The following LONP2 variants were observed in gnomAD, a reference collection of about 807,000 sequenced individuals.
The protein encoded by LONP2 is lon peptidase 2, peroxisomal, also known as lon protease homolog 2, peroxisomal.
Under a neutral mutation model 85.6 loss-of-function variants are expected in LONP2, and 60 were observed. That is an observed-to-expected ratio of 0.70 (90% CI 0.57 to 0.87). LONP2 has a LOEUF of 0.87. Ranked by LOEUF, LONP2 falls within the 40% of genes least tolerant of loss-of-function variation. The pLI, the probability that LONP2 is intolerant of heterozygous loss-of-function variation, is 0.00. For synonymous variants in LONP2, 395 were observed against 389.7 expected (o/e 1.01, Z -0.16); for missense variants, 860 against 1,063.5 (o/e 0.81, Z 2.66).
chr16:48,336,426 C>A (rs11641619), intron 12 of LONP2: 7,946 of 456,242 alleles, frequency 0.017, 120 homozygotes, highest in Non-Finnish European at 0.026. Flanking sequence ...TGGTGTGTCA[C>A]ATGCGTGCGT....
At chr16:48,306,097 C>G (rs1027374384) in intron 11 of LONP2, among the ~76,000 whole-genome samples, 2 of 152,112 alleles carry the variant, frequency 1.3e-5, no homozygotes, top group African/African-American at 4.8e-5. Flanking sequence ...ACAACACTTC[C>G]TTTGTGCTGT....
chr16:48,317,771 T>C (rs563032041), intron 11 of LONP2, among the ~76,000 whole-genome samples: 4 of 152,372 alleles, frequency 2.6e-5, no homozygotes, highest in Admixed American at 2.6e-4. Flanking sequence ...TAAGATTTGA[T>C]GTCAGTGATG....
At chr16:48,346,905 C>T (rs556708945) in intron 12 of LONP2, among the ~76,000 whole-genome samples, 1 of 151,890 alleles carries the variant, frequency 6.6e-6, no homozygotes, top group East Asian at 2.0e-4. Context: ...AATCCCAGCA[C>T]TTTGGGAGGC....
At chr16:48,359,122 G>C (rs1432220188), downstream of LONP2, among the ~76,000 whole-genome samples, 1 of 152,012 alleles carries the variant, frequency 6.6e-6, no homozygotes, top group Non-Finnish European at 1.5e-5. Context: ...CTAATAGGGT[G>C]TGCCATCATG....
intron 11 of LONP2, among the ~76,000 whole-genome samples, chr16:48,312,047 T>G (rs1377903336): frequency 6.6e-6 from 1 of 152,146 alleles, no homozygotes; most frequent in African/African-American, 2.4e-5. Flanking sequence ...TTCAAGTGAT[T>G]CTTGTGCCTC....
Position 48,354,345 on chromosome 16 carries a change from C to G in LONP2, c.*2543C>G, listed in dbSNP as rs1340889261. 6.6e-6 allele frequency: 1 copy of G among 151,188 alleles called. No homozygotes were observed. The highest frequency in any genetic ancestry group is 1.5e-5 in the Non-Finnish European group (1 of 68,080). 9.4% of individuals were successfully genotyped at this position (151,188 alleles called of 1,614,324 possible). On this transcript the variant is annotated 3_prime_UTR_variant, in exon 15 of 15. Transcript: ENST00000285737. ...GCCTCAGCCTCCCAAGTAGCTGGGA[C>G]CACAGGTGTGTGCCACCACGCCCAG...
intron 6 of LONP2, among the ~76,000 whole-genome samples, chr16:48,266,048 G>C (rs1329424455): frequency 1.3e-5 from 2 of 152,030 alleles, no homozygotes; most frequent in Non-Finnish European, 2.9e-5. Flanking sequence ...TTGTCGCCCA[G>C]GCTGGAGTGC....
At chr16:48,250,933 T>C (rs1567306920) in intron 1 of LONP2, among the ~76,000 whole-genome samples, 2 of 152,236 alleles carry the variant, frequency 1.3e-5, no homozygotes, top group Admixed American at 6.5e-5. Context: ...CCCTCACCAA[T>C]TTATCTTCTC....
At chr16:48,319,527 A>C (rs2151014167) in intron 11 of LONP2, among the ~76,000 whole-genome samples, 1 of 152,078 alleles carries the variant, frequency 6.6e-6, no homozygotes, top group African/African-American at 2.4e-5. Flanking sequence ...ATATAGTTTT[A>C]TATTATATAG....
chr16:48,279,178 A>T lies in LONP2; in HGVS notation c.1383+1699A>T, dbSNP rs192178651. On this transcript the variant is annotated intron_variant, in intron 8 of 14. Coordinates refer to ENST00000285737, the MANE Select transcript of LONP2 (RefSeq NM_031490.5). ...TTTAAGCTGCTTTTATCTGTTTATT[A>T]TATATTTCTTTTAGTCTCTTTTATA... Among the ~76,000 whole-genome samples, 325 of 152,164 alleles carry T rather than the reference A, an allele frequency of 2.1e-3. 13 individuals carry two copies. Among genetic ancestry groups the T allele is most frequent in the Admixed American group, 0.018 (276 of 15,290 alleles).
chr16:48,318,850 TG>T (rs953841417), intron 11 of LONP2, among the ~76,000 whole-genome samples: 4 of 152,210 alleles, frequency 2.6e-5, no homozygotes, highest in Non-Finnish European at 5.9e-5. Context: ...CTCTTTGTTG[TG>T]GCTTCCTGCC....
intron 3 of LONP2, 28 bp from the exon 4 acceptor site, chr16:48,258,590 T>A: frequency 6.4e-7 from 1 of 1,571,466 alleles, no homozygotes; most frequent in Non-Finnish European, 8.6e-7. Context: ...CTGAGAGAGA[T>A]CCTATTGATT....
chr16:48,329,571 C>T (rs1959370275), intron 11 of LONP2, among the ~76,000 whole-genome samples: 1 of 152,116 alleles, frequency 6.6e-6, no homozygotes, highest in South Asian at 2.1e-4. Context: ...TAAACATGAT[C>T]ATAAGTACAT....
chr16:48,334,684 T>TA (rs929325274), intron 12 of LONP2: 1 of 575,882 alleles, frequency 1.7e-6, no homozygotes, highest in Admixed American at 2.0e-5. Context: ...TGTTGTAGTC[T>TA]AAGAGTGTGT....
chr16:48,346,675 A>G (rs944100015), intron 12 of LONP2, among the ~76,000 whole-genome samples: 3 of 152,106 alleles, frequency 2.0e-5, no homozygotes, highest in Admixed American at 2.0e-4. Context: ...GTCTCTATCG[A>G]ACTCCTGGGC....
intron 2 of LONP2, among the ~76,000 whole-genome samples, chr16:48,255,658 G>T (rs1384674658): frequency 6.6e-6 from 1 of 151,926 alleles, no homozygotes; most frequent in Non-Finnish European, 1.5e-5. Flanking sequence ...CATGTGTCAG[G>T]GGGCGGTGCC....
At chr16:48,350,278 C>G (rs1960100903) in intron 14 of LONP2, among the ~76,000 whole-genome samples, 1 of 151,582 alleles carries the variant, frequency 6.6e-6, no homozygotes, top group African/African-American at 2.4e-5. Context: ...ATCCCAGCTA[C>G]TCAGGAGGCT....
intron 11 of LONP2, 61 bp downstream of exon 11, chr16:48,303,366 G>T (rs1972847381): frequency 6.3e-7 from 1 of 1,593,444 alleles, no homozygotes; most frequent in African/African-American, 1.3e-5. Flanking sequence ...ACAGAAGAAG[G>T]TTGGGTATGG....
intron 11 of LONP2, among the ~76,000 whole-genome samples, chr16:48,304,975 T>G (rs1972882521): frequency 6.6e-6 from 1 of 152,176 alleles, no homozygotes; most frequent in Non-Finnish European, 1.5e-5. Flanking sequence ...CAGCCAAATG[T>G]CTTTCTTGTT....
Sources: gnomAD v4.1 joint callset for allele counts (sites outside exome capture counted in the v4.1 genomes callset) on GRCh38, gnomAD v4.1.1 for gene constraint, MANE v1.5 for transcripts, NCBI Gene and HGNC (gene_info 2026-07-23, HGNC 2026-07-21) for gene names.